Variants in ARL6IP1 observed in about 807,000 individuals in gnomAD.
ARL6IP1 encodes ADP-ribosylation factor-like protein 6-interacting protein 1.
Under a neutral mutation model 30.1 loss-of-function variants are expected in ARL6IP1, and 16 were observed. The observed-to-expected ratio is 0.53, with a 90% CI of 0.36 to 0.81. ARL6IP1 has a LOEUF of 0.81. Ranked by LOEUF, ARL6IP1 falls within the 30% of genes least tolerant of loss-of-function variation. ARL6IP1 has a pLI of 0.01. For missense variants in ARL6IP1, 173 were observed against 242.7 expected, an observed-to-expected ratio of 0.71 and a Z score of 1.91; for synonymous variants, 72 against 84.8, an observed-to-expected ratio of 0.85 and a Z score of 0.83.
intron 1 of ARL6IP1, among the ~76,000 whole-genome samples, chr16:18,800,270 C>T (rs532755670): frequency 6.6e-6 from 1 of 152,288 alleles, no homozygotes; most frequent in South Asian, 2.1e-4. Context: ...TTACTGTCCC[C>T]ATTTTACCAA....
At position 18,798,227 on chromosome 16, in the gene ARL6IP1, G is replaced by T. The variant is rs555243357; in HGVS notation, c.171-183C>A. 17 of 539,090 alleles carry T rather than the reference G, an allele frequency of 3.2e-5. No individual in the cohort carries two copies. The East Asian group carries it at 4.9e-4, about 15-fold the overall frequency. The allele number at this position is 539,090 out of a possible 1,614,324, so 33.4% of individuals were successfully genotyped here. ...GACATGCTGATATCATAGCTGCAGTGGTTAAGTATATATCAATGGACAAAA... is the reference window on the plus strand; with the variant it reads ...GACATGCTGATATCATAGCTGCAGTTGTTAAGTATATATCAATGGACAAAA... On this transcript the variant is annotated intron_variant, in intron 2 of 5. Coordinates refer to ENST00000304414, the MANE Select transcript of ARL6IP1 (RefSeq NM_015161.3).
intron 1 of ARL6IP1, among the ~76,000 whole-genome samples, chr16:18,800,734 G>T (rs555910028): frequency 6.6e-6 from 1 of 152,242 alleles, no homozygotes; most frequent in East Asian, 1.9e-4. Context: ...CACAAGGTGC[G>T]CTTAAATTCA....
chr16:18,798,907 T>C, intron 1 of ARL6IP1, 73 bp from the exon 2 acceptor site: 1 of 1,426,362 alleles, frequency 7.0e-7, no homozygotes. Context: ...ACTTCAATTA[T>C]TTTAAAGCTC....
intron 1 of ARL6IP1, among the ~76,000 whole-genome samples, chr16:18,800,185 T>A (rs2030365625): frequency 6.6e-6 from 1 of 152,216 alleles, no homozygotes; most frequent in Non-Finnish European, 1.5e-5. Flanking sequence ...GAGACTACTA[T>A]GTGTGGGCAC....
At position 18,793,304 on chromosome 16, in the gene ARL6IP1, G is replaced by A; in HGVS notation, c.560C>T (p.Ala187Val). 1 of 1,612,926 alleles carries A rather than the reference G, an allele frequency of 6.2e-7. No homozygotes were observed. The highest frequency in any genetic ancestry group is 8.5e-7 in the Non-Finnish European group (1 of 1,179,706). ...GAGAAGTTTGTTTATCTCCCTCTTG[G>A]CCATTCCAATGTACTTCAAAATGAT... ...HGIILKYIGM[A>V]KREINKLLKQ... is the part of the protein sequence containing the mutation. Residue 187 changes from alanine (A) to valine (V), a missense_variant, in exon 6 of 6, where the codon GCC (alanine) becomes GTC (valine). By Grantham distance (64) the Ala-to-Val change is moderately conservative (BLOSUM62 0). Transcript: ENST00000304414.
At chr16:18,797,151 G>A (rs954433674) in intron 3 of ARL6IP1, among the ~76,000 whole-genome samples, 7 of 151,992 alleles carry the variant, frequency 4.6e-5, no homozygotes, top group Admixed American at 1.3e-4. Context: ...AGGCCGAGGC[G>A]GGCGGATCAC....
intron 3 of ARL6IP1, 109 bp downstream of exon 3, chr16:18,797,816 G>T: frequency 7.7e-7 from 1 of 1,307,024 alleles, no homozygotes; most frequent in Non-Finnish European, 1.0e-6. Flanking sequence ...TAATGCTTAG[G>T]TGTCTGATGG....
At chr16:18,795,016 CTTTT>C (rs35734251) in intron 4 of ARL6IP1, among the ~76,000 whole-genome samples, 1 of 133,272 alleles carries the variant, frequency 7.5e-6, no homozygotes, top group Admixed American at 7.7e-5. Flanking sequence ...AGATGCTTTC[CTTTT>C]TTTTTTTTTT....
At chr16:18,794,935 G>A (rs529854563) in intron 4 of ARL6IP1, among the ~76,000 whole-genome samples, 10 of 151,696 alleles carry the variant, frequency 6.6e-5, no homozygotes, top group East Asian at 1.9e-4. Context: ...TAAATTATAC[G>A]ATCTTTTCAG....
At position 18,801,500 on chromosome 16, in the gene ARL6IP1, C is replaced by T; in HGVS notation, c.-34G>A. On this transcript the variant is annotated 5_prime_UTR_variant, in exon 1 of 6. Transcript: ENST00000304414. ...GGATGCAGTCTCTACAAGCGCAGGC[C>T]ACCTCCCCAACGAGTCCTCCAACCG... is the stretch of plus-strand genomic sequence containing the variant. The T allele has an allele frequency of 3.1e-6, 5 of 1,608,374 alleles. No individual in the cohort carries two copies. The highest frequency in any genetic ancestry group is 4.2e-6 in the Non-Finnish European group (5 of 1,178,036).
rs2030282579 is a variant in ARL6IP1, at chr16:18,797,667, A to C, written c.290+258T>G. 4 of 272,276 alleles carry C rather than the reference A, an allele frequency of 1.5e-5. No homozygotes were observed. The South Asian group carries it at 4.2e-4, about 29-fold the overall frequency. The allele number at this position is 272,276 out of a possible 1,614,324, so 16.9% of individuals were successfully genotyped here. On this transcript the variant is annotated intron_variant, in intron 3 of 5. Transcript: ENST00000304414. Reference sequence around the variant, plus strand: ...GTATTCATTCAAAAATAATTTGTGAAGTTATTATACTATCCTAAATATCAA... The same window carrying C: ...GTATTCATTCAAAAATAATTTGTGACGTTATTATACTATCCTAAATATCAA...
rs1407347894 is a variant in ARL6IP1, at chr16:18,792,316, G to A, written c.*936C>T. 6.6e-6 allele frequency: 1 copy of A among 152,114 alleles called. No individual in the cohort carries two copies. The highest frequency in any genetic ancestry group is 2.4e-5 in the African/African-American group (1 of 41,410). 9.4% of individuals were successfully genotyped at this position (152,114 alleles called of 1,614,324 possible). Reference sequence around the variant, plus strand: ...ATTACCATAAAATGATAATTTTGAGGTTTACCTTAAAAGGCTTATTCTGGT... The same window carrying A: ...ATTACCATAAAATGATAATTTTGAGATTTACCTTAAAAGGCTTATTCTGGT... On this transcript the variant is annotated 3_prime_UTR_variant, in exon 6 of 6. Coordinates refer to ENST00000304414, the MANE Select transcript of ARL6IP1 (RefSeq NM_015161.3).
At position 18,793,255 on chromosome 16, in the gene ARL6IP1, T is replaced by C; in HGVS notation, c.609A>G (p.Glu203=). The change falls in exon 6 of 6, where the codon GAA becomes GAG. Residue 203 remains glutamate (E), a synonymous_variant. Transcript: ENST00000304414. Reference sequence around the variant, plus strand: ...CACACTGATTAAAGCAGATGAATCATTCGTTTTTCTTTTCTTTTTGTTTGA... The same window carrying C: ...CACACTGATTAAAGCAGATGAATCACTCGTTTTTCTTTTCTTTTTGTTTGA... ...KLLKQKEKKN[E] is the part of the protein sequence containing the mutation. 6.2e-7 allele frequency: 1 copy of C among 1,600,602 alleles called. No homozygotes were observed. Among genetic ancestry groups the C allele is most frequent in the Non-Finnish European group, 8.5e-7 (1 of 1,169,902 alleles).
Position 18,793,142 on chromosome 16 carries a change from AG to A in ARL6IP1, c.*109del, listed in dbSNP as rs2030112219. ...ATTTCTATTAACTAAGGGCAGAGTG[AG>A]GGAGAACAAAGAGCTACTTCCGTAA... On this transcript the variant is annotated 3_prime_UTR_variant, in exon 6 of 6. Coordinates refer to ENST00000304414, the MANE Select transcript of ARL6IP1 (RefSeq NM_015161.3). 167 of 702,452 alleles carry A rather than the reference AG, an allele frequency of 2.4e-4. 1 individual carries two copies. The South Asian group carries it at 2.7e-3, about 11-fold the overall frequency. 43.5% of individuals were successfully genotyped at this position (702,452 alleles called of 1,614,324 possible).
rs1318962279 is a variant in ARL6IP1 at position 18,801,520 on chromosome 16, C to G, written c.-54G>C. On this transcript the variant is annotated 5_prime_UTR_variant, in exon 1 of 6. Coordinates refer to ENST00000304414, the MANE Select transcript of ARL6IP1 (RefSeq NM_015161.3). ...CAGGCCACCTCCCCAACGAGTCCTC[C>G]AACCGAAACCCGCACACCAACCACA... The G allele has an allele frequency of 6.3e-7, 1 of 1,596,832 alleles. No homozygotes were observed. Among genetic ancestry groups the G allele is most frequent in the Admixed American group, 1.8e-5 (1 of 55,772 alleles).
At chr16:18,795,347 G>T in intron 4 of ARL6IP1, 117 bp downstream of exon 4, 1 of 635,910 alleles carries the variant, frequency 1.6e-6, no homozygotes, top group Non-Finnish European at 2.7e-6. Flanking sequence ...AAACATTTAT[G>T]AATGTACTTA....
intron 3 of ARL6IP1, among the ~76,000 whole-genome samples, chr16:18,797,221 T>TA (rs11316570): frequency 1.8e-4 from 26 of 145,304 alleles, no homozygotes; most frequent in East Asian, 4.1e-4. Context: ...CTACTAAAAA[T>TA]AAAAAAAAAA....
chr16:18,793,935 A>G (rs1295142017), intron 5 of ARL6IP1, among the ~76,000 whole-genome samples: 1 of 152,098 alleles, frequency 6.6e-6, no homozygotes, highest in East Asian at 1.9e-4. Context: ...GGCGGTCTCC[A>G]ACTCCTGACC....
chr16:18,794,666 G>A lies in ARL6IP1; in HGVS notation c.426C>T (p.Ile142=), dbSNP rs369603725. 9 of 1,612,884 alleles carry A rather than the reference G, an allele frequency of 5.6e-6. No individual in the cohort carries two copies. Among genetic ancestry groups the A allele is most frequent in the East Asian group, 2.2e-5 (1 of 44,818 alleles). The change falls in exon 5 of 6, where the codon ATC becomes ATT. Residue 142 remains isoleucine, a synonymous_variant. Coordinates refer to ENST00000304414, the MANE Select transcript of ARL6IP1 (RefSeq NM_015161.3). ...EKPKMYFMTM[I]VSLAAVAWVG... is the part of the protein sequence containing the mutation. ...CCCAAGCAACCGCAGCAAGGGAAAC[G>A]ATCATGGTCATGAAGTACTAGCAAT...
Sources: allele counts gnomAD v4.1 joint callset (sites outside exome capture counted in the v4.1 genomes callset), GRCh38; gene constraint gnomAD v4.1.1; transcripts MANE v1.5; gene names NCBI Gene and HGNC (gene_info 2026-07-23, HGNC 2026-07-21).